Variants in TLN2 observed in about 807,000 individuals in gnomAD.
The protein encoded by TLN2 is talin 2, also known as talin-2.
TLN2 carries 118 observed loss-of-function variants against 294.7 expected under a neutral mutation model. That is an observed-to-expected ratio of 0.40 (90% CI 0.34 to 0.47). The LOEUF (loss-of-function observed/expected upper bound fraction) is 0.47, where lower values mean the gene tolerates loss of function less well. TLN2 is among the 20% of genes least tolerant of loss of function. The probability of loss-of-function intolerance (pLI) is 0.84; values close to 1 mark genes in which losing one functional copy is unlikely to be tolerated. For synonymous variants in TLN2, 1,431 were observed against 1,304.5 expected (o/e 1.10, Z -2.09); for missense variants, 3,083 against 3,282.2 (o/e 0.94, Z 1.48).
intron 45 of TLN2, among the ~76,000 whole-genome samples, chr15:62,790,690 G>A (rs1417556917): frequency 6.6e-6 from 1 of 152,216 alleles, no homozygotes; most frequent in South Asian, 2.1e-4. Flanking sequence ...TTTTAACTCT[G>A]TGGATCTGGA....
At chr15:62,483,712 A>G (rs1433990401) in intron 1 of TLN2, among the ~76,000 whole-genome samples, 4 of 152,294 alleles carry the variant, frequency 2.6e-5, no homozygotes, top group South Asian at 4.1e-4. Flanking sequence ...GATAAAAGCT[A>G]TGAGTCTTGG....
At chr15:62,784,657 G>A (rs2064487061) in intron 45 of TLN2, 2 of 152,198 alleles carry the variant, frequency 1.3e-5, no homozygotes, top group Non-Finnish European at 2.9e-5. Flanking sequence ...AGGAGTCCAG[G>A]GCTTGGGGGA....
intron 2 of TLN2, among the ~76,000 whole-genome samples, chr15:62,593,617 T>C: frequency 6.6e-6 from 1 of 152,236 alleles, no homozygotes; most frequent in East Asian, 1.9e-4. Flanking sequence ...TTATCTGCAA[T>C]TGAGTATTTT....
At chr15:62,831,867 TGACGTTTCACATGG>T (rs2068880047) in intron 54 of TLN2, 1 of 152,368 alleles carries the variant, frequency 6.6e-6, no homozygotes, top group African/African-American at 2.4e-5. Context: ...CCCTCCTGTC[TGACGTTTCACATGG>T]GAGCGTTAGC....
intron 9 of TLN2, among the ~76,000 whole-genome samples, chr15:62,662,350 A>C (rs890176950): frequency 2.6e-5 from 4 of 152,198 alleles, no homozygotes; most frequent in African/African-American, 9.6e-5. Flanking sequence ...AAAAACAACA[A>C]ACACTAGGCC....
At chr15:62,622,880 C>T (rs757680500) in intron 3 of TLN2, among the ~76,000 whole-genome samples, 15 of 152,168 alleles carry the variant, frequency 9.9e-5, no homozygotes, top group Non-Finnish European at 2.1e-4. Flanking sequence ...TCTGTAATAA[C>T]ACTCTAAGCT....
At chr15:62,401,746 A>T (rs188616165) in intron 1 of TLN2, among the ~76,000 whole-genome samples, 71 of 152,268 alleles carry the variant, frequency 4.7e-4, no homozygotes, top group Admixed American at 2.1e-3. Flanking sequence ...TGACTTGAAC[A>T]TCTATATAGG....
At chr15:62,599,242 C>G (rs1170843069) in intron 2 of TLN2, among the ~76,000 whole-genome samples, 4 of 152,102 alleles carry the variant, frequency 2.6e-5, no homozygotes, top group Non-Finnish European at 2.9e-5. Context: ...GAGGTCAAGT[C>G]TAAAGGGATA....
intron 1 of TLN2, among the ~76,000 whole-genome samples, chr15:62,494,658 T>C (rs1417106055): frequency 6.6e-6 from 1 of 152,184 alleles, no homozygotes; most frequent in South Asian, 2.1e-4. Flanking sequence ...TCATATTTCT[T>C]GCATATCATA....
At chr15:62,760,407 T>C (rs1220157478) in intron 37 of TLN2, among the ~76,000 whole-genome samples, 1 of 152,180 alleles carries the variant, frequency 6.6e-6, no homozygotes, top group Non-Finnish European at 1.5e-5. Context: ...ATCTCAGATC[T>C]GCTTTGCTTG....
rs944280916 is a variant in TLN2 at position 62,702,631 on chromosome 15, G to C, written c.1906-135G>C. 4 of 799,460 alleles carry C rather than the reference G, an allele frequency of 5.0e-6. No individual in the cohort carries two copies. Among genetic ancestry groups the C allele is most frequent in the Non-Finnish European group, 8.3e-6 (4 of 480,596 alleles). 49.5% of individuals were successfully genotyped at this position (799,460 alleles called of 1,614,324 possible). On this transcript the variant is annotated intron_variant, in intron 18 of 58. Transcript: ENST00000636159. ...GATTTCACCGGGATGTCTTCTATCT[G>C]GCAGACCACCTGAGATTCTCACTGT...
At chr15:62,489,492 C>G (rs2038590360) in intron 1 of TLN2, among the ~76,000 whole-genome samples, 1 of 152,178 alleles carries the variant, frequency 6.6e-6, no homozygotes, top group Non-Finnish European at 1.5e-5. Flanking sequence ...CTGGTAATTT[C>G]TGGATCCTGA....
intron 45 of TLN2, 38 bp from the exon 46 acceptor site, chr15:62,792,603 C>G (rs2065150971): frequency 2.5e-6 from 4 of 1,604,950 alleles, no homozygotes; most frequent in Non-Finnish European, 2.6e-6. Flanking sequence ...CAGAGTCCAT[C>G]ACGCTTCTCC....
intron 11 of TLN2, among the ~76,000 whole-genome samples, chr15:62,684,950 T>C (rs2057157794): frequency 6.6e-6 from 1 of 151,110 alleles, no homozygotes; most frequent in Admixed American, 6.6e-5. Flanking sequence ...AATGCATAGA[T>C]ACTTTGTGTG....
chr15:62,567,216 TTCCAAGACCTTA>T lies in TLN2; in HGVS notation c.-237-22469_-237-22458del, dbSNP rs568583916. Among the ~76,000 whole-genome samples the T allele has an allele frequency of 2.1e-3, 321 of 152,372 alleles. 4 individuals carry two copies. Among genetic ancestry groups the T allele is most frequent in the African/African-American group, 7.3e-3 (305 of 41,590 alleles). On this transcript the variant is annotated intron_variant, in intron 1 of 58. Transcript: ENST00000636159. ...TCTTTCTTTCGGATCATTCAGTTGT[TTCCAAGACCTTA>T]TTAGCATAAAGAATGAATGTTTAGC...
At chr15:62,556,674 C>G (rs2042623405) in intron 1 of TLN2, among the ~76,000 whole-genome samples, 1 of 152,184 alleles carries the variant, frequency 6.6e-6, no homozygotes, top group Non-Finnish European at 1.5e-5. Flanking sequence ...GACAGGCATT[C>G]CATTTGCAAA....
At chr15:62,464,943 C>T (rs569706011) in intron 1 of TLN2, among the ~76,000 whole-genome samples, 26 of 152,156 alleles carry the variant, frequency 1.7e-4, no homozygotes, top group Non-Finnish European at 2.6e-4. Context: ...AACTTTGCCC[C>T]GGGATGTTAA....
intron 44 of TLN2, among the ~76,000 whole-genome samples, chr15:62,782,454 C>T (rs1020259813): frequency 6.6e-6 from 1 of 152,216 alleles, no homozygotes; most frequent in African/African-American, 2.4e-5. Flanking sequence ...GTTTGAGCAG[C>T]CTCATGGTGT....
chr15:62,687,904 A>G (rs2057426780), intron 12 of TLN2: 1 of 152,238 alleles, frequency 6.6e-6, no homozygotes, highest in Non-Finnish European at 1.5e-5. Flanking sequence ...CTCATCTTCC[A>G]TTGCAGGAAG....
Sources: gnomAD v4.1 joint callset for allele counts (sites outside exome capture counted in the v4.1 genomes callset) on GRCh38, gnomAD v4.1.1 for gene constraint, MANE v1.5 for transcripts, NCBI Gene and HGNC (gene_info 2026-07-23, HGNC 2026-07-21) for gene names.